The following POLE2 variants were observed in gnomAD, a reference collection of about 807,000 sequenced individuals.
POLE2 encodes the protein DNA polymerase epsilon subunit 2.
A neutral mutation model predicts 79.4 loss-of-function variants in POLE2; 56 were observed. The observed-to-expected ratio is 0.71, with a 90% CI of 0.57 to 0.88. The LOEUF (loss-of-function observed/expected upper bound fraction) is 0.88. POLE2 is among the 40% of genes least tolerant of loss of function. POLE2 has a pLI of 0.00. For missense variants in POLE2, 598 were observed against 638.9 expected (o/e 0.94, Z 0.69); for synonymous variants, 212 against 214.0 (o/e 0.99, Z 0.08).
At chr14:49,651,538 T>C (rs1263994147) in intron 15 of POLE2, 161 bp from the exon 16 acceptor site, 1 of 462,036 alleles carries the variant, frequency 2.2e-6, no homozygotes, top group African/African-American at 2.0e-5. Context: ...AACAGCTATG[T>C]ATTGAGCTCT....
At chr14:49,678,425 T>C (rs1482678078) in intron 3 of POLE2, among the ~76,000 whole-genome samples, 1 of 152,126 alleles carries the variant, frequency 6.6e-6, no homozygotes, top group African/African-American at 2.4e-5. Context: ...TGTGCAGGAC[T>C]GTTGAGCTCA....
chr14:49,657,053 T>C (rs1884735433), intron 10 of POLE2, among the ~76,000 whole-genome samples: 1 of 149,018 alleles, frequency 6.7e-6, no homozygotes, highest in Non-Finnish European at 1.5e-5. Context: ...ATGGAGGTTG[T>C]AGTAAGCCGA....
At chr14:49,679,551 G>A (rs1594614446) in intron 3 of POLE2, 174 bp downstream of exon 3, 1 of 523,344 alleles carries the variant, frequency 1.9e-6, no homozygotes, top group African/African-American at 2.0e-5. Context: ...CAGTAAAGAT[G>A]AGTCATTTAA....
intron 3 of POLE2, among the ~76,000 whole-genome samples, chr14:49,675,210 G>A (rs200103933): frequency 2.0e-5 from 3 of 149,080 alleles, no homozygotes; most frequent in Non-Finnish European, 3.0e-5. Flanking sequence ...TCAGCCTCCC[G>A]AGTAGGTGGG....
Position 49,669,613 on chromosome 14 carries a change from G to C in POLE2, c.418-15C>G, listed in dbSNP as rs762603646. 7.4e-7 allele frequency: 1 copy of C among 1,357,282 alleles called. No individual in the cohort carries two copies. The highest frequency in any genetic ancestry group is 1.2e-5 in the South Asian group (1 of 84,650). 84.1% of individuals were successfully genotyped at this position (1,357,282 alleles called of 1,614,324 possible). ...CTGTGGGTCCTCTATAAAAAAGAAA[G>C]ATTCACATGAATTCCTGAAACAGAC... On this transcript the variant is annotated splice_polypyrimidine_tract_variant and intron_variant, in intron 5 of 18. Coordinates refer to ENST00000216367, the MANE Select transcript of POLE2 (RefSeq NM_002692.4).
At chr14:49,656,216 G>A (rs1884659704) in intron 10 of POLE2, among the ~76,000 whole-genome samples, 1 of 152,106 alleles carries the variant, frequency 6.6e-6, no homozygotes, top group African/African-American at 2.4e-5. Context: ...TTAGCCGGGC[G>A]ACGTGGCGGG....
chr14:49,661,812 A>G (rs1344583878), intron 10 of POLE2, among the ~76,000 whole-genome samples: 2 of 152,174 alleles, frequency 1.3e-5, no homozygotes, highest in East Asian at 3.8e-4. Context: ...TTTTATTTTA[A>G]TGTACTTTAT....
intron 6 of POLE2, among the ~76,000 whole-genome samples, chr14:49,668,670 A>C (rs1183795027): frequency 6.6e-6 from 1 of 152,204 alleles, no homozygotes; most frequent in East Asian, 1.9e-4. Flanking sequence ...AGAGGAGAAA[A>C]GGGAAAAGGC....
rs775208469 is a variant in POLE2 at position 49,674,363 on chromosome 14, TTC to T, written c.308_309del (p.Arg103LysfsTer23). The T allele has an allele frequency of 1.9e-6, 3 of 1,605,670 alleles. No homozygotes were observed. The highest frequency in any genetic ancestry group is 2.6e-6 in the Non-Finnish European group (3 of 1,173,272). ...DIPRFVYNSE[R>X]KKFLPLLMTN... ...TGACATACTTACGGAAGAAATTTTT[TTC>T]TTTCTGAATTGTACACAAAGCGTGG... is the stretch of plus-strand genomic sequence containing the variant. On this transcript the variant is annotated frameshift_variant, in exon 4 of 19. Transcript: ENST00000216367. LOFTEE classifies it high-confidence loss of function.
At chr14:49,663,898 G>A (rs1169894833) in intron 9 of POLE2, among the ~76,000 whole-genome samples, 5 of 152,040 alleles carry the variant, frequency 3.3e-5, no homozygotes, top group Middle Eastern at 3.4e-3. Context: ...TTAGCCAGGC[G>A]TAGTGGCAGG....
chr14:49,684,891 G>GGAGTGAACCTGAGA (rs1205709954), intron 1 of POLE2, among the ~76,000 whole-genome samples: 1 of 151,926 alleles, frequency 6.6e-6, no homozygotes, highest in Non-Finnish European at 1.5e-5. Flanking sequence ...GAGGGAGAAC[G>GGAGTGAACCTGAGA]GAGTGAACCT....
At position 49,651,233 on chromosome 14, in the gene POLE2, T is replaced by A. The variant is rs3783435; in HGVS notation, c.1320+36A>T. 1,226 of 900,814 alleles carry A rather than the reference T, an allele frequency of 1.4e-3. 19 individuals carry two copies. In the East Asian group the frequency reaches 0.026, roughly 19 times the overall value. 55.8% of individuals were successfully genotyped at this position (900,814 alleles called of 1,614,324 possible). On this transcript the variant is annotated intron_variant, in intron 16 of 18. Coordinates refer to ENST00000216367, the MANE Select transcript of POLE2 (RefSeq NM_002692.4). ...TAATAAAATTTTATATAATGCAACA[T>A]GTAAGGCAGTTTAATAAAAAAGTTG...
chr14:49,677,908 A>T (rs1198966807), intron 3 of POLE2: 16 of 336,828 alleles, frequency 4.8e-5, no homozygotes, highest in Non-Finnish European at 7.6e-5. Flanking sequence ...AGCAGTGGCC[A>T]TATTGAGAAG....
At chr14:49,664,248 C>G (rs1366076434) in intron 9 of POLE2, among the ~76,000 whole-genome samples, 1 of 149,880 alleles carries the variant, frequency 6.7e-6, no homozygotes, top group South Asian at 2.1e-4. Context: ...ACTCGGAAGG[C>G]TGAGGCATGA....
intron 1 of POLE2, among the ~76,000 whole-genome samples, chr14:49,687,302 A>ACACACACACACACACAC (rs1887218687): frequency 2.1e-5 from 1 of 48,324 alleles, no homozygotes; most frequent in Non-Finnish European, 5.1e-5. Context: ...CACACACACC[A>ACACACACACACACACAC]CACACACACA....
chr14:49,683,458 A>C (rs1486097675), intron 2 of POLE2, 135 bp downstream of exon 2: 1 of 485,452 alleles, frequency 2.1e-6, no homozygotes, highest in African/African-American at 2.0e-5. Flanking sequence ...TTGGGAAGAA[A>C]TGCTACCATG....
In POLE2 at chr14:49,655,663, A is replaced by C. The variant is rs758337036; in HGVS notation, c.928+8T>G. On this transcript the variant is annotated splice_region_variant and intron_variant, in intron 11 of 18. Transcript: ENST00000216367. ...AGTTCAAGAAAGAAGAAAAAAAATA[A>C]GACCTACCAGCAAACATTATGCGAA... The C allele has an allele frequency of 1.7e-4, 268 of 1,589,234 alleles. No individual in the cohort carries two copies. Among genetic ancestry groups the C allele is most frequent in the Non-Finnish European group, 1.4e-4 (167 of 1,170,144 alleles).
At chr14:49,666,116 C>CGCG (rs764219851) in intron 7 of POLE2, among the ~76,000 whole-genome samples, 2 of 152,142 alleles carry the variant, frequency 1.3e-5, no homozygotes, top group Non-Finnish European at 2.9e-5. Flanking sequence ...CGTGAGCCAC[C>CGCG]GCGCCCAGCC....
chr14:49,679,001 T>C (rs1476195080), intron 3 of POLE2, among the ~76,000 whole-genome samples: 1 of 152,084 alleles, frequency 6.6e-6, no homozygotes, highest in Non-Finnish European at 1.5e-5. Context: ...AAATTAAAAA[T>C]CCTCAATTTC....
Sources: allele counts gnomAD v4.1 joint callset (sites outside exome capture counted in the v4.1 genomes callset), GRCh38; gene constraint gnomAD v4.1.1; transcripts MANE v1.5; gene names NCBI Gene and HGNC (gene_info 2026-07-23, HGNC 2026-07-21).